The following RIMS1 variants were observed in gnomAD, a reference collection of about 807,000 sequenced individuals.
RIMS1 encodes the protein regulating synaptic membrane exocytosis 1, also known as regulating synaptic membrane exocytosis protein 1.
Under a neutral mutation model 214.1 loss-of-function variants are expected in RIMS1, and 83 were observed. That is an observed-to-expected ratio of 0.39 (90% CI 0.32 to 0.47). The LOEUF (loss-of-function observed/expected upper bound fraction) is 0.47, where lower values mean the gene tolerates loss of function less well. Among genes scored for constraint, RIMS1 ranks in the 20% least tolerant of loss-of-function variants. The pLI is 0.99. For synonymous variants in RIMS1, 793 were observed against 786.8 expected (o/e 1.01, Z -0.13); for missense variants, 2,050 against 2,161.8 (o/e 0.95, Z 1.03).
chr6:72,308,043 T>A (rs542079885), intron 27 of RIMS1, among the ~76,000 whole-genome samples: 2 of 152,266 alleles, frequency 1.3e-5, no homozygotes, highest in African/African-American at 4.8e-5. Flanking sequence ...ATATTTATAG[T>A]CTTAAGTACA....
At chr6:72,281,372 A>G (rs2090041670) in intron 23 of RIMS1, among the ~76,000 whole-genome samples, 1 of 152,134 alleles carries the variant, frequency 6.6e-6, no homozygotes, top group Non-Finnish European at 1.5e-5. Flanking sequence ...ACAATCATTG[A>G]TTACTGTGAT....
At chr6:72,065,521 A>C (rs539286437) in intron 2 of RIMS1, among the ~76,000 whole-genome samples, 2 of 152,248 alleles carry the variant, frequency 1.3e-5, no homozygotes, top group South Asian at 2.1e-4. Flanking sequence ...TCTCCGAGGA[A>C]AAAAGAGACC....
chr6:71,892,969 A>G (rs1770415092), intron 1 of RIMS1, among the ~76,000 whole-genome samples: 1 of 152,254 alleles, frequency 6.6e-6, no homozygotes, highest in African/African-American at 2.4e-5. Flanking sequence ...TCCAAGCATC[A>G]GATTTTATAT....
chr6:71,970,660 G>A (rs902307152), intron 2 of RIMS1, among the ~76,000 whole-genome samples: 3 of 152,190 alleles, frequency 2.0e-5, no homozygotes, highest in Admixed American at 6.5e-5. Context: ...GGCTCTTTGA[G>A]TTTAGTGGCC....
Position 72,375,703 on chromosome 6 carries a change from G to A in RIMS1, c.4367-14895G>A, listed in dbSNP as rs780828045. Among the ~76,000 whole-genome samples the A allele has an allele frequency of 5.3e-5, 8 of 152,266 alleles. No homozygotes were observed. The East Asian group carries it at 1.5e-3, about 29-fold the overall frequency. ...AGTTGTATGCAGGTACTTCTGGAGG[G>A]AGTGGGGCAAGGTTTGGGTACACAA... is the stretch of plus-strand genomic sequence containing the variant. On this transcript the variant is annotated intron_variant, in intron 29 of 33. Coordinates refer to ENST00000521978, the MANE Select transcript of RIMS1 (RefSeq NM_014989.7).
intron 2 of RIMS1, among the ~76,000 whole-genome samples, chr6:72,008,150 G>A (rs1312175063): frequency 6.6e-6 from 1 of 152,212 alleles, no homozygotes; most frequent in Non-Finnish European, 1.5e-5. Context: ...CAAGCCAGAA[G>A]AGAGTGGGGA....
chr6:72,281,652 T>C (rs1164877526), intron 23 of RIMS1, among the ~76,000 whole-genome samples: 1 of 152,068 alleles, frequency 6.6e-6, no homozygotes, highest in Non-Finnish European at 1.5e-5. Context: ...CCTGCCTTCT[T>C]ATTATTTCCT....
At chr6:72,313,437 C>A in intron 27 of RIMS1, 69 bp from the exon 28 acceptor site, 1 of 1,418,312 alleles carries the variant, frequency 7.1e-7, no homozygotes, top group Non-Finnish European at 9.8e-7. Context: ...AGTAGTCATT[C>A]ATCTCACCAT....
chr6:72,085,754 C>A (rs559655448), intron 2 of RIMS1, among the ~76,000 whole-genome samples: 2 of 152,214 alleles, frequency 1.3e-5, no homozygotes, highest in African/African-American at 4.8e-5. Context: ...TTTTAACAAG[C>A]CCCTTAGATA....
intron 2 of RIMS1, among the ~76,000 whole-genome samples, chr6:72,037,849 A>G (rs891532239): frequency 6.6e-6 from 1 of 151,764 alleles, no homozygotes; most frequent in Non-Finnish European, 1.5e-5. Flanking sequence ...CTCAAATGAA[A>G]TGAAGCTGTT....
At chr6:72,359,813 G>A in intron 29 of RIMS1, among the ~76,000 whole-genome samples, 1 of 152,148 alleles carries the variant, frequency 6.6e-6, no homozygotes. Flanking sequence ...TTCAAAATAC[G>A]TTATTATGTT....
intron 2 of RIMS1, among the ~76,000 whole-genome samples, chr6:71,987,255 G>T (rs563664234): frequency 6.6e-6 from 1 of 152,152 alleles, no homozygotes; most frequent in Non-Finnish European, 1.5e-5. Flanking sequence ...CTTTTGACTA[G>T]GTAGCTTTAA....
rs559709949 is a variant in RIMS1, at chr6:71,949,637, A to G, written c.165-19346A>G. Among the ~76,000 whole-genome samples the G allele has an allele frequency of 7.7e-4, 118 of 152,330 alleles. 3 individuals carry two copies. The South Asian group carries it at 0.015, about 19-fold the overall frequency. On this transcript the variant is annotated intron_variant, in intron 1 of 33. Transcript: ENST00000521978. Reference sequence around the variant, plus strand: ...CATGCTGATAATCTCCGTAAATGTTAAACTTACTTAACTCAAATGGCTATG... The same window carrying G: ...CATGCTGATAATCTCCGTAAATGTTGAACTTACTTAACTCAAATGGCTATG...
In RIMS1 at chr6:72,264,971, C is replaced by G. The variant is rs764623393; in HGVS notation, c.3117-4C>G. 3 of 1,575,030 alleles carry G rather than the reference C, an allele frequency of 1.9e-6. No homozygotes were observed. Among genetic ancestry groups the G allele is most frequent in the South Asian group, 1.2e-5 (1 of 86,054 alleles). ...TCCTGCGTGTTTGTGTTGCTACGTT[C>G]CAGACATCTTGTTAGGCACTATAAA... On this transcript the variant is annotated splice_polypyrimidine_tract_variant and splice_region_variant and intron_variant, in intron 19 of 33. Coordinates refer to ENST00000521978, the MANE Select transcript of RIMS1 (RefSeq NM_014989.7).
chr6:72,011,660 G>A (rs1185946106), intron 2 of RIMS1, among the ~76,000 whole-genome samples: 1 of 152,116 alleles, frequency 6.6e-6, no homozygotes, highest in African/African-American at 2.4e-5. Context: ...CCATGAAAAA[G>A]TGGGCAAAGG....
In RIMS1 at chr6:71,973,854, G is replaced by C. The variant is rs76617810; in HGVS notation, c.245+4791G>C. Among the ~76,000 whole-genome samples the C allele has an allele frequency of 5.3e-5, 8 of 152,316 alleles. No homozygotes were observed. In the East Asian group the frequency reaches 1.5e-3, roughly 29 times the overall value. ...TAGTGGAGAGCAAGAGAGAGAGAGT[G>C]AGGGACTCATAGGCCAGAGCCTTTA... On this transcript the variant is annotated intron_variant, in intron 2 of 33. Transcript: ENST00000521978.
chr6:72,243,156 T>C (rs926969071), intron 10 of RIMS1, among the ~76,000 whole-genome samples: 1 of 151,808 alleles, frequency 6.6e-6, no homozygotes, highest in Non-Finnish European at 1.5e-5. Flanking sequence ...CTTGGCTTAA[T>C]GTTTGAATGT....
At chr6:72,272,456 A>G (rs1011768493) in intron 22 of RIMS1, among the ~76,000 whole-genome samples, 3 of 152,150 alleles carry the variant, frequency 2.0e-5, no homozygotes, top group African/African-American at 7.2e-5. Flanking sequence ...TTATATTGGT[A>G]CTACATATCA....
intron 29 of RIMS1, among the ~76,000 whole-genome samples, chr6:72,374,858 A>G (rs1216348096): frequency 6.6e-6 from 1 of 152,178 alleles, no homozygotes; most frequent in Non-Finnish European, 1.5e-5. Context: ...TTGTTTTCCT[A>G]CAACTAAACA....
Sources: gnomAD v4.1 joint callset for allele counts (sites outside exome capture counted in the v4.1 genomes callset) on GRCh38, gnomAD v4.1.1 for gene constraint, MANE v1.5 for transcripts, NCBI Gene and HGNC (gene_info 2026-07-23, HGNC 2026-07-21) for gene names.